The following CNTNAP5 variants were observed in gnomAD, a reference collection of about 807,000 sequenced individuals.
CNTNAP5 encodes contactin-associated protein-like 5.
Under a neutral mutation model 150.2 loss-of-function variants are expected in CNTNAP5, and 72 were observed. That is an observed-to-expected ratio of 0.48 (90% confidence interval 0.40 to 0.58). The LOEUF is 0.58. Among genes scored for constraint, CNTNAP5 ranks in the 20% least tolerant of loss-of-function variants. The pLI is 0.00. For synonymous variants in CNTNAP5, 672 were observed against 619.8 expected (o/e 1.08, Z -1.25); for missense variants, 1,636 against 1,626.2 (o/e 1.01, Z -0.10).
At chr2:124,809,421 T>TATTA (rs1220372403) in intron 19 of CNTNAP5, among the ~76,000 whole-genome samples, 3 of 109,486 alleles carry the variant, frequency 2.7e-5, no homozygotes, top group Non-Finnish European at 5.9e-5. Flanking sequence ...TTTATTTATT[T>TATTA]ATTAAGAAAC....
intron 3 of CNTNAP5, among the ~76,000 whole-genome samples, chr2:124,264,797 A>G (rs898126256): frequency 6.6e-6 from 1 of 152,084 alleles, no homozygotes; most frequent in Admixed American, 6.6e-5. Context: ...CATTCCTGAT[A>G]TTTTATTTGT....
intron 1 of CNTNAP5, among the ~76,000 whole-genome samples, chr2:124,101,937 G>A (rs772786514): frequency 1.8e-4 from 28 of 152,090 alleles, no homozygotes; most frequent in Non-Finnish European, 3.5e-4. Flanking sequence ...AGCCGTAGCC[G>A]CCTGGTGCCT....
intron 1 of CNTNAP5, among the ~76,000 whole-genome samples, chr2:124,085,833 G>A (rs1045033958): frequency 3.3e-5 from 5 of 152,114 alleles, no homozygotes; most frequent in African/African-American, 1.2e-4. Context: ...TTGAGAATCT[G>A]TGATATTCTA....
intron 11 of CNTNAP5, among the ~76,000 whole-genome samples, chr2:124,582,322 A>G (rs1333155213): frequency 6.6e-6 from 1 of 152,218 alleles, no homozygotes; most frequent in African/African-American, 2.4e-5. Context: ...TACTCACTCC[A>G]GAAACCAGGA....
chr2:124,455,995 G>T (rs902036833), intron 6 of CNTNAP5, among the ~76,000 whole-genome samples: 1 of 152,050 alleles, frequency 6.6e-6, no homozygotes, highest in African/African-American at 2.4e-5. Flanking sequence ...TTCCCTCTGA[G>T]AACTGGAACA....
intron 6 of CNTNAP5, among the ~76,000 whole-genome samples, chr2:124,469,769 C>T (rs1245740539): frequency 6.6e-6 from 1 of 152,088 alleles, no homozygotes; most frequent in Non-Finnish European, 1.5e-5. Flanking sequence ...GGTTCACCTC[C>T]CTGTGCCCAT....
chr2:124,113,711 C>G (rs1683357677), intron 1 of CNTNAP5, among the ~76,000 whole-genome samples: 1 of 151,816 alleles, frequency 6.6e-6, no homozygotes, highest in Non-Finnish European at 1.5e-5. Context: ...TAGCCTCTTG[C>G]ATCTTGTTTT....
chr2:124,140,848 G>A (rs1209566937), intron 1 of CNTNAP5, among the ~76,000 whole-genome samples: 64 of 72,808 alleles, frequency 8.8e-4, no homozygotes, highest in Non-Finnish European at 1.3e-3. Flanking sequence ...TCTGAGCTAC[G>A]GGAGGACATT....
rs527948795 is a variant in CNTNAP5, at chr2:124,582,101, G to T, written c.1756+18778G>T. Reference sequence around the variant, plus strand: ...TGATCTGGAAAGACTACAAATGGAAGTTGCTGTGTAAATCTGGTGAACTTT... The same window carrying T: ...TGATCTGGAAAGACTACAAATGGAATTTGCTGTGTAAATCTGGTGAACTTT... On this transcript the variant is annotated intron_variant, in intron 11 of 23. Transcript: ENST00000682447. Among the ~76,000 whole-genome samples the T allele has an allele frequency of 3.0e-4, 46 of 152,312 alleles. No individual in the cohort carries two copies. In the South Asian group the frequency reaches 8.3e-3, roughly 27 times the overall value.
At position 124,098,342 on chromosome 2, in the gene CNTNAP5, T is replaced by G. The variant is rs187666367; in HGVS notation, c.82+72610T>G. On this transcript the variant is annotated intron_variant, in intron 1 of 23. Transcript: ENST00000682447. Reference sequence around the variant, plus strand: ...TAGGCTTAGAAGGAAGAGGGGGGAATTGGTCTTGATATGCAGGGGTGGCAG... The same window carrying G: ...TAGGCTTAGAAGGAAGAGGGGGGAAGTGGTCTTGATATGCAGGGGTGGCAG... Among the ~76,000 whole-genome samples the G allele has an allele frequency of 1.4e-4, 22 of 152,122 alleles. No homozygotes were observed. In the East Asian group the frequency reaches 4.3e-3, roughly 30 times the overall value.
intron 5 of CNTNAP5, among the ~76,000 whole-genome samples, chr2:124,438,245 T>C (rs1264190362): frequency 6.6e-6 from 1 of 152,194 alleles, no homozygotes; most frequent in Non-Finnish European, 1.5e-5. Flanking sequence ...ATTTCTTCTT[T>C]CAATCCATAA....
chr2:124,316,771 C>G (rs1688971021), intron 3 of CNTNAP5, among the ~76,000 whole-genome samples: 1 of 130,068 alleles, frequency 7.7e-6, no homozygotes, highest in South Asian at 2.5e-4. Flanking sequence ...TGCCACTGCA[C>G]TCCAGCCTGG....
intron 6 of CNTNAP5, among the ~76,000 whole-genome samples, chr2:124,454,340 C>T (rs1391456949): frequency 1.3e-5 from 2 of 152,142 alleles, no homozygotes; most frequent in Non-Finnish European, 2.9e-5. Flanking sequence ...CCTTGTCCAA[C>T]AGGAAATTAT....
At chr2:124,372,011 G>A (rs977149903) in intron 3 of CNTNAP5, among the ~76,000 whole-genome samples, 71 of 152,188 alleles carry the variant, frequency 4.7e-4, no homozygotes, top group Non-Finnish European at 8.8e-4. Flanking sequence ...ACATGTGTGA[G>A]TCAGTAGACA....
intron 1 of CNTNAP5, among the ~76,000 whole-genome samples, chr2:124,097,775 T>C (rs919692482): frequency 3.0e-4 from 46 of 152,174 alleles, no homozygotes; most frequent in African/African-American, 9.4e-4. Flanking sequence ...ACGCCTGTAA[T>C]CCCAGCACTT....
chr2:124,310,057 CT>C (rs68193263), intron 3 of CNTNAP5, among the ~76,000 whole-genome samples: 26,015 of 144,398 alleles, frequency 0.18, 2,161 homozygotes, highest in East Asian at 0.21. Flanking sequence ...AATCTCTTAC[CT>C]TTTTTTTTTT....
intron 13 of CNTNAP5, among the ~76,000 whole-genome samples, chr2:124,681,401 C>G (rs1455977836): frequency 5.3e-5 from 8 of 151,788 alleles, no homozygotes; most frequent in African/African-American, 1.9e-4. Context: ...TCAGATTTCT[C>G]CACAGCCCAG....
At chr2:124,389,364 G>A (rs1691052276) in intron 3 of CNTNAP5, among the ~76,000 whole-genome samples, 1 of 152,168 alleles carries the variant, frequency 6.6e-6, no homozygotes, top group Admixed American at 6.5e-5. Flanking sequence ...TAATAAGAAT[G>A]TAATGCTTAG....
intron 3 of CNTNAP5, among the ~76,000 whole-genome samples, chr2:124,321,235 A>C (rs1235578363): frequency 1.3e-5 from 2 of 152,120 alleles, no homozygotes; most frequent in African/African-American, 2.4e-5. Flanking sequence ...TGAGGTTGGG[A>C]GTTCAAGACC....
Sources: allele counts gnomAD v4.1 joint callset (sites outside exome capture counted in the v4.1 genomes callset), GRCh38; gene constraint gnomAD v4.1.1; transcripts MANE v1.5; gene names NCBI Gene and HGNC (gene_info 2026-07-23, HGNC 2026-07-21).